Variants in AGBL1 observed in about 807,000 individuals in gnomAD.
AGBL1 encodes the protein AGBL carboxypeptidase 1.
Under a neutral mutation model 118.9 loss-of-function variants are expected in AGBL1, and 130 were observed. That is an observed-to-expected ratio of 1.09 (90% CI 0.95 to 1.26). The LOEUF (loss-of-function observed/expected upper bound fraction) is 1.26, where lower values mean the gene tolerates loss of function less well. AGBL1 is among the 50% of genes most tolerant of loss of function. The pLI, the probability that AGBL1 is intolerant of heterozygous loss-of-function variation, is 0.00. For missense variants in AGBL1, 1,584 were observed against 1,298.1 expected (o/e 1.22, Z -3.38); for synonymous variants, 555 against 478.9 (o/e 1.16, Z -2.08).
intron 1 of AGBL1, among the ~76,000 whole-genome samples, chr15:86,102,274 C>G (rs1475263598): frequency 6.6e-6 from 1 of 152,174 alleles, no homozygotes; most frequent in Non-Finnish European, 1.5e-5. Flanking sequence ...CTCCTGACCT[C>G]AAGTGACCCG....
At chr15:86,835,191 G>T (rs2141424177) in intron 22 of AGBL1, among the ~76,000 whole-genome samples, 1 of 152,194 alleles carries the variant, frequency 6.6e-6, no homozygotes, top group Admixed American at 6.5e-5. Flanking sequence ...TTATAGATGA[G>T]AAACTGAGGC....
chr15:86,828,263 G>A (rs1243121526), intron 22 of AGBL1, among the ~76,000 whole-genome samples: 5 of 151,730 alleles, frequency 3.3e-5, no homozygotes, highest in African/African-American at 4.8e-5. Flanking sequence ...CTTTTTTATG[G>A]CAAATGATTT....
intron 17 of AGBL1, among the ~76,000 whole-genome samples, chr15:86,308,119 T>A (rs1482998361): frequency 1.3e-5 from 2 of 152,192 alleles, no homozygotes; most frequent in African/African-American, 4.8e-5. Flanking sequence ...TAAACATATT[T>A]TAAAGATTAA....
intron 5 of AGBL1, among the ~76,000 whole-genome samples, chr15:86,197,483 G>C (rs1476047538): frequency 6.6e-6 from 1 of 152,246 alleles, no homozygotes; most frequent in Non-Finnish European, 1.5e-5. Context: ...GGGTGTTCTA[G>C]TGTTTTGTGG....
intron 22 of AGBL1, among the ~76,000 whole-genome samples, chr15:86,744,174 C>T (rs1216018576): frequency 6.6e-6 from 1 of 152,066 alleles, no homozygotes; most frequent in African/African-American, 2.4e-5. Flanking sequence ...CGGTTTCCTG[C>T]CACCTTAGTT....
intron 17 of AGBL1, among the ~76,000 whole-genome samples, chr15:86,348,509 G>A (rs935346215): frequency 6.6e-6 from 1 of 152,218 alleles, no homozygotes; most frequent in South Asian, 2.1e-4. Context: ...GCCAGGCGCC[G>A]TGGCTTACGC....
intron 1 of AGBL1, among the ~76,000 whole-genome samples, chr15:86,116,320 C>G (rs1192539377): frequency 6.6e-6 from 1 of 152,198 alleles, no homozygotes; most frequent in Non-Finnish European, 1.5e-5. Context: ...TTAGTTCTCT[C>G]TAGTGCTAAA....
intron 18 of AGBL1, among the ~76,000 whole-genome samples, chr15:86,466,912 C>T (rs898030368): frequency 3.9e-5 from 6 of 152,226 alleles, no homozygotes; most frequent in Non-Finnish European, 5.9e-5. Flanking sequence ...CCAGAGCTCT[C>T]CTGTATGAAG....
chr15:86,863,352 T>C (rs1425580880), intron 22 of AGBL1, among the ~76,000 whole-genome samples: 1 of 152,198 alleles, frequency 6.6e-6, no homozygotes, highest in South Asian at 2.1e-4. Context: ...AGCCAATGAC[T>C]GGATGTCTGA....
At chr15:86,846,059 G>A (rs541497555) in intron 22 of AGBL1, among the ~76,000 whole-genome samples, 2 of 152,304 alleles carry the variant, frequency 1.3e-5, no homozygotes, top group East Asian at 1.9e-4. Flanking sequence ...TATTTAGCCA[G>A]CCTGGTAGTC....
intron 5 of AGBL1, among the ~76,000 whole-genome samples, chr15:86,200,868 G>C (rs560970158): frequency 1.4e-4 from 22 of 151,940 alleles, no homozygotes; most frequent in Admixed American, 6.6e-5. Context: ...CACTTGTCTC[G>C]GCCTCCGAAA....
At chr15:86,548,303 C>A (rs768907677) in intron 20 of AGBL1, among the ~76,000 whole-genome samples, 35 of 152,068 alleles carry the variant, frequency 2.3e-4, no homozygotes, top group African/African-American at 8.0e-4. Context: ...ATTGAAGAGA[C>A]GATTATACAC....
intron 5 of AGBL1, among the ~76,000 whole-genome samples, chr15:86,197,536 G>GT (rs2077833577): frequency 1.3e-5 from 2 of 152,178 alleles, no homozygotes; most frequent in South Asian, 4.1e-4. Context: ...ATTACCTGAG[G>GT]CGATTTCTAA....
chr15:86,157,757 G>A (rs2077211926), intron 4 of AGBL1, among the ~76,000 whole-genome samples: 1 of 152,200 alleles, frequency 6.6e-6, no homozygotes, highest in African/African-American at 2.4e-5. Context: ...TTCAGAAGGA[G>A]TTGGCTGGAA....
chr15:86,415,187 C>T (rs530785115), intron 18 of AGBL1, among the ~76,000 whole-genome samples: 1 of 152,108 alleles, frequency 6.6e-6, no homozygotes, highest in African/African-American at 2.4e-5. Flanking sequence ...TTGTACTCCC[C>T]ACCAATGATC....
chr15:86,799,926 A>C (rs2078626948), intron 22 of AGBL1, among the ~76,000 whole-genome samples: 1 of 152,184 alleles, frequency 6.6e-6, no homozygotes, highest in South Asian at 2.1e-4. Context: ...CGAAGAACTG[A>C]AAAATATCCA....
At chr15:86,207,962 G>A (rs2078022858) in intron 5 of AGBL1, among the ~76,000 whole-genome samples, 1 of 152,040 alleles carries the variant, frequency 6.6e-6, no homozygotes, top group Non-Finnish European at 1.5e-5. Context: ...GTCATAAACA[G>A]CTCTGATTAT....
intron 19 of AGBL1, among the ~76,000 whole-genome samples, chr15:86,539,042 G>A (rs2083460438): frequency 3.9e-5 from 6 of 152,056 alleles, no homozygotes; most frequent in Admixed American, 3.3e-4. Flanking sequence ...ATTTAGCTCA[G>A]ACAAGAATGC....
chr15:86,986,803 TCA>T (rs2081288364), intron 23 of AGBL1, among the ~76,000 whole-genome samples: 1 of 152,226 alleles, frequency 6.6e-6, no homozygotes, highest in African/African-American at 2.4e-5. Context: ...TTCATTGATT[TCA>T]CTCGCGTCCA....
Sources: gnomAD v4.1 joint callset for allele counts (sites outside exome capture counted in the v4.1 genomes callset) on GRCh38, gnomAD v4.1.1 for gene constraint, MANE v1.5 for transcripts, NCBI Gene and HGNC (gene_info 2026-07-23, HGNC 2026-07-21) for gene names.